CDH23: variants seen among roughly 807,000 people sequenced by gnomAD.
CDH23 encodes cadherin-23.
A neutral mutation model predicts 317.1 loss-of-function variants in CDH23; 189 were observed. That is an observed-to-expected ratio of 0.60 (90% confidence interval 0.53 to 0.67). The LOEUF is 0.67. CDH23 is among the 30% of genes least tolerant of loss of function. CDH23 has a pLI of 0.00. For missense variants in CDH23, 4,401 were observed against 4,592.4 expected, an observed-to-expected ratio of 0.96 and a Z score of 1.20; for synonymous variants, 1,839 against 1,876.8, an observed-to-expected ratio of 0.98 and a Z score of 0.52.
At position 71,562,140 on chromosome 10, in the gene CDH23, C is replaced by T. The variant is rs556907334; in HGVS notation, c.430-4602C>T. 1.5e-3 allele frequency among the ~76,000 whole-genome samples: 226 copies of T among 151,190 alleles called. 2 individuals are homozygous for T. Among genetic ancestry groups the T allele is most frequent in the Non-Finnish European group, 2.6e-3 (175 of 67,828 alleles). On this transcript the variant is annotated intron_variant, in intron 6 of 69. Transcript: ENST00000224721. ...CAGACACTCCAAGCCCCACCCCAGA[C>T]GCCCCGAACCCCACCCCAGACACCA...
At chr10:71,752,007 A>C in intron 38 of CDH23, 1 of 925,288 alleles carries the variant, frequency 1.1e-6, no homozygotes, top group South Asian at 1.4e-5. Context: ...AGAAGGCAGG[A>C]GCCAGGCCCA....
intron 38 of CDH23, chr10:71,755,316 C>T (rs532155213): frequency 1.6e-4 from 252 of 1,540,424 alleles, no homozygotes; most frequent in Non-Finnish European, 2.1e-4. Context: ...TGGAGCAGGT[C>T]ACTCGCACCG....
chr10:71,511,581 T>G (rs535402517), intron 6 of CDH23, among the ~76,000 whole-genome samples: 17 of 152,274 alleles, frequency 1.1e-4, no homozygotes, highest in African/African-American at 3.8e-4. Flanking sequence ...ACCCCAGATC[T>G]TCCTGCTTTG....
rs759706770 is a variant in CDH23, at chr10:71,779,336, G to A, written c.5257G>A (p.Glu1753Lys). Residue 1753 changes from glutamate (E) to lysine (K), a missense_variant, in exon 41 of 70, where the codon GAA becomes AAA. Physicochemically the swap from Glu to Lys is moderately conservative, Grantham distance 56 (BLOSUM62 1). This residue lies in a region of CDH23 where 3,068 missense variants were observed against 3,203.3 expected (regional missense o/e 0.96). Transcript: ENST00000224721. ...TFPRDYEGPF[E>K]VTEGQPGPRV... Reference sequence around the variant, plus strand: ...CCCCCGGGACTATGAGGGACCATTTGAAGTCACTGAGGGCCAGCCGGGGCC... The same window carrying A: ...CCCCCGGGACTATGAGGGACCATTTAAAGTCACTGAGGGCCAGCCGGGGCC... 34 of 1,613,908 alleles carry A rather than the reference G, an allele frequency of 2.1e-5. No homozygotes were observed. In the South Asian group the frequency reaches 3.5e-4, roughly 17 times the overall value.
intron 18 of CDH23, among the ~76,000 whole-genome samples, chr10:71,687,345 T>C (rs1864948781): frequency 6.6e-6 from 1 of 152,108 alleles, no homozygotes; most frequent in East Asian, 1.9e-4. Flanking sequence ...GCGGGGAGCC[T>C]GGGGAGCTGG....
At position 71,716,003 on chromosome 10, in the gene CDH23, C is replaced by T. The variant is rs200650849; in HGVS notation, c.3369+3190C>T. 6,542 of 1,500,210 alleles carry T rather than the reference C, an allele frequency of 4.4e-3. 23 individuals are homozygous for T. The highest frequency in any genetic ancestry group is 5.4e-3 in the Non-Finnish European group (6,112 of 1,123,824). The allele number at this position is 1,500,210 out of a possible 1,614,324, so 92.9% of individuals were successfully genotyped here. On this transcript the variant is annotated intron_variant, in intron 28 of 69. Transcript: ENST00000224721. ...GTCCTCGGGGCCCGGCAGGGGCTGT[C>T]GAGGGACGGTGGGCCGGCCATGGCG...
Position 71,764,063 on chromosome 10 carries a change from T to C in CDH23, c.4846-13617T>C, listed in dbSNP as rs540127940. ...AGATTTCAGAACTTCTTTGGCAAGA[T>C]ACAGGTCTCCTTTTCAGGCAGAAAC... On this transcript the variant is annotated intron_variant, in intron 38 of 69. Coordinates refer to ENST00000224721, the MANE Select transcript of CDH23 (RefSeq NM_022124.6). Among the ~76,000 whole-genome samples the C allele has an allele frequency of 2.0e-5, 3 of 152,284 alleles. No homozygotes were observed. The East Asian group carries it at 5.8e-4, about 29-fold the overall frequency.
chr10:71,778,326 A>T lies in CDH23; in HGVS notation c.5187+18A>T. On this transcript the variant is annotated intron_variant, in intron 40 of 69. Coordinates refer to ENST00000224721, the MANE Select transcript of CDH23 (RefSeq NM_022124.6). ...CCACCACGGTGGGTGCATGGGACAC[A>T]GCCCCAACTTGGGCTTGGAGGTTGG... 1 of 1,613,758 alleles carries T rather than the reference A, an allele frequency of 6.2e-7. No individual in the cohort carries two copies. Among genetic ancestry groups the T allele is most frequent in the Non-Finnish European group, 8.5e-7 (1 of 1,179,774 alleles).
chr10:71,690,825 T>C (rs565552219), intron 20 of CDH23, among the ~76,000 whole-genome samples: 2 of 152,364 alleles, frequency 1.3e-5, no homozygotes, highest in East Asian at 3.9e-4. Context: ...AGTTGTATTA[T>C]GTTTTAAATG....
chr10:71,683,293 A>T (rs1450648313), intron 18 of CDH23, among the ~76,000 whole-genome samples: 1 of 152,170 alleles, frequency 6.6e-6, no homozygotes, highest in Non-Finnish European at 1.5e-5. Flanking sequence ...TTGATCGAAG[A>T]GTTAGTGCAT....
At chr10:71,669,763 T>C (rs1175547925) in intron 14 of CDH23, among the ~76,000 whole-genome samples, 1 of 152,224 alleles carries the variant, frequency 6.6e-6, no homozygotes, top group African/African-American at 2.4e-5. Flanking sequence ...ATTCTGATTT[T>C]AAGTGGCAGT....
intron 6 of CDH23, among the ~76,000 whole-genome samples, chr10:71,520,013 G>A (rs1484446618): frequency 6.6e-6 from 1 of 152,170 alleles, no homozygotes; most frequent in Non-Finnish European, 1.5e-5. Context: ...TCACCACGCT[G>A]CCCAGGCTGG....
At chr10:71,716,231 AG>A in intron 28 of CDH23, 2 of 1,550,234 alleles carry the variant, frequency 1.3e-6, no homozygotes, top group East Asian at 2.4e-5. Flanking sequence ...GAGCATGGGG[AG>A]GGGGTCAGTT....
intron 38 of CDH23, among the ~76,000 whole-genome samples, chr10:71,744,802 A>T (rs1321316003): frequency 6.6e-6 from 1 of 152,204 alleles, no homozygotes; most frequent in African/African-American, 2.4e-5. Flanking sequence ...CTCCAGGGGA[A>T]TATATATGGG....
intron 47 of CDH23, among the ~76,000 whole-genome samples, chr10:71,792,836 A>ATAT (rs1242596934): frequency 2.1e-5 from 2 of 93,148 alleles, no homozygotes; most frequent in African/African-American, 9.9e-5. Context: ...AAAAAAAAAA[A>ATAT]AAAAAAAAAA....
Position 71,397,370 on chromosome 10 carries a change from C to A in CDH23, c.-6+52C>A, listed in dbSNP as rs1420566441. On this transcript the variant is annotated intron_variant, in intron 1 of 69. Transcript: ENST00000224721. The surrounding 1 kb of genome is among the most constrained non-coding windows in gnomAD (Gnocchi z 4.8). ...CCCTCCTCGCTTCCCTCTCCTTCCC[C>A]TCGCCGTTCGCCCGCCGCGCGGCGG... is the stretch of plus-strand genomic sequence containing the variant. 7 of 152,434 alleles carry A rather than the reference C, an allele frequency of 4.6e-5. No homozygotes were observed. The highest frequency in any genetic ancestry group is 1.7e-4 in the African/African-American group (7 of 41,298). The allele number at this position is 152,434 out of a possible 1,614,324, so 9.4% of individuals were successfully genotyped here.
intron 6 of CDH23, among the ~76,000 whole-genome samples, chr10:71,537,026 C>G (rs745336109): frequency 6.6e-6 from 1 of 152,130 alleles, no homozygotes; most frequent in Non-Finnish European, 1.5e-5. Flanking sequence ...ATTGCCTTCG[C>G]CACCGTGCAC....
At position 71,396,965 on chromosome 10, in the gene CDH23, G is replaced by C. The variant is rs1406169712; in HGVS notation, c.-359G>C. 6.5e-6 allele frequency: 1 copy of C among 153,032 alleles called. No individual in the cohort carries two copies. Among genetic ancestry groups the C allele is most frequent in the Non-Finnish European group, 1.5e-5 (1 of 68,920 alleles). The allele number at this position is 153,032 out of a possible 1,614,324, so 9.5% of individuals were successfully genotyped here. ...GCGGCGGCTCGGGAGAGAGGGACGC[G>C]GGCTGCAGGCGCGATGCTTGGCTAG... On this transcript the variant is annotated 5_prime_UTR_variant, in exon 1 of 70. Coordinates refer to ENST00000224721, the MANE Select transcript of CDH23 (RefSeq NM_022124.6). This position sits in a 1 kb window ranked among gnomAD's most constrained non-coding sequence, Gnocchi z 4.2.
chr10:71,659,137 G>A (rs145183193), intron 14 of CDH23, among the ~76,000 whole-genome samples: 13 of 152,280 alleles, frequency 8.5e-5, no homozygotes, highest in African/African-American at 3.1e-4. Context: ...TTCCTGCTCA[G>A]ACAATCACTC....
Sources: gnomAD v4.1 joint callset for allele counts (sites outside exome capture counted in the v4.1 genomes callset) on GRCh38, gnomAD v4.1.1 for gene constraint, gnomAD v4.1.1 regional missense constraint, Gnocchi (gnomAD v3.1) non-coding constraint, MANE v1.5 for transcripts, NCBI Gene and HGNC (gene_info 2026-07-23, HGNC 2026-07-21) for gene names.